Variants in SPATA31D1 observed in about 807,000 individuals in gnomAD.
SPATA31D1 encodes the protein spermatogenesis-associated protein 31D1.
A neutral mutation model predicts 13.2 loss-of-function variants in SPATA31D1; 6 were observed. The observed-to-expected ratio is 0.46, with a 90% CI of 0.25 to 0.90. The LOEUF (loss-of-function observed/expected upper bound fraction) is 0.90. Among genes scored for constraint, SPATA31D1 ranks in the 40% least tolerant of loss-of-function variants. The pLI, the probability that SPATA31D1 is intolerant of heterozygous loss-of-function variation, is 0.18. For synonymous variants in SPATA31D1, 903 were observed against 718.8 expected (o/e 1.26, Z -4.10); for missense variants, 2,445 against 1,884.7 (o/e 1.30, Z -5.50).
rs768409615 is a variant in SPATA31D1 at position 81,991,241 on chromosome 9, G to T, written c.771G>T (p.Glu257Asp). The T allele has an allele frequency of 6.2e-7, 1 of 1,613,962 alleles. No individual in the cohort carries two copies. Among genetic ancestry groups the T allele is most frequent in the Non-Finnish European group, 8.5e-7 (1 of 1,179,892 alleles). ...CACCACATCACATTGAGAGAGTGGA[G>T]TCCAGCCTCCAACCTGAAGCCAGTT... ...LLPPHHIERVESSLQPEASLS... is the reference protein window; with the variant it reads ...LLPPHHIERVDSSLQPEASLS... Residue 257 changes from glutamate (E) to aspartate (D), a missense_variant, in exon 4 of 4, where the codon GAG becomes GAT. Glu to Asp is a conservative substitution (Grantham distance 45, BLOSUM62 2). Coordinates refer to ENST00000344803, the MANE Select transcript of SPATA31D1 (RefSeq NM_001001670.3).
chr9:81,992,574 C>T lies in SPATA31D1; in HGVS notation c.2104C>T (p.Leu702=), dbSNP rs1824997367. The change falls in exon 4 of 4, where the codon CTG becomes TTG. Residue 702 remains leucine, a synonymous_variant. Transcript: ENST00000344803. ...RRRLIQRRWG[L]PRRIHESLSL... ...GAGGCTCATCCAGCGCAGATGGGGC[C>T]TGCCCCGCAGAATCCATGAGTCTCT... The T allele has an allele frequency of 6.2e-7, 1 of 1,612,128 alleles. No homozygotes were observed. Among genetic ancestry groups the T allele is most frequent in the Non-Finnish European group, 8.5e-7 (1 of 1,179,734 alleles).
chr9:81,991,023 A>G lies in SPATA31D1; in HGVS notation c.553A>G (p.Ile185Val), dbSNP rs1362567984. Residue 185 changes from isoleucine to valine, a missense_variant, in exon 4 of 4, where the codon ATA (isoleucine) becomes GTA (valine). Ile to Val is a conservative substitution (Grantham distance 29). Transcript: ENST00000344803. ...CTCAGCAACCCCTCCAGAAGACCTA[A>G]TACTGTCCCCTCGGCCTAAGGCCTC... is the stretch of plus-strand genomic sequence containing the variant. ...TPSATPPEDL[I>V]LSPRPKASPP... The G allele has an allele frequency of 1.9e-6, 3 of 1,613,514 alleles. No individual in the cohort carries two copies. The highest frequency in any genetic ancestry group is 2.2e-5 in the East Asian group (1 of 44,854).
chr9:81,992,715 G>T lies in SPATA31D1; in HGVS notation c.2245G>T (p.Ala749Ser), dbSNP rs200798404. ...GQRCNVLKKS[A>S]SSFPRSFHER... ...GAGGTGCAATGTTCTAAAGAAGTCC[G>T]CATCAAGCTTCCCTAGAAGCTTCCA... Residue 749 changes from alanine (A) to serine (S), a missense_variant, in exon 4 of 4, where the codon GCA becomes TCA. Coordinates refer to ENST00000344803, the MANE Select transcript of SPATA31D1 (RefSeq NM_001001670.3). The T allele has an allele frequency of 1.4e-5, 22 of 1,613,664 alleles. No homozygotes were observed. Among genetic ancestry groups the T allele is most frequent in the African/African-American group, 2.7e-5 (2 of 74,910 alleles).
Position 81,988,846 on chromosome 9 carries a change from A to G in SPATA31D1, c.28A>G (p.Ser10Gly). Residue 10 changes from serine to glycine, a missense_variant, in exon 1 of 4, where the codon AGC becomes GGC. Ser to Gly is a moderately conservative substitution (Grantham distance 56, BLOSUM62 0). Transcript: ENST00000344803. The stretch of plus-strand genomic sequence containing the variant: ...GGAGAATATCCTCTGTTTTCTGAAC[A>G]GCTATACTGAGACAGGGCTGAGCCC... The part of the protein sequence containing the change: MENILCFLN[S>G]YTETGLSPDS... The G allele has an allele frequency of 1.9e-6, 3 of 1,612,838 alleles. No individual in the cohort carries two copies. Among genetic ancestry groups the G allele is most frequent in the South Asian group, 1.1e-5 (1 of 91,026 alleles).
chr9:81,993,680 T>A lies in SPATA31D1; in HGVS notation c.3210T>A (p.Asp1070Glu), dbSNP rs778751182. ...GGACCCTGAGAAGAGAATTCTCTGA[T>A]ACTGACAATGATCTTACAGAAAGTG... The part of the protein sequence containing the change: ...KQGTLRREFS[D>E]TDNDLTESVR... Residue 1070 changes from aspartate (D) to glutamate (E), a missense_variant, in exon 4 of 4, where the codon GAT (aspartate) becomes GAA (glutamate). Transcript: ENST00000344803. 8 of 1,613,906 alleles carry A rather than the reference T, an allele frequency of 5.0e-6. No individual in the cohort carries two copies. The South Asian group carries it at 6.6e-5, about 13-fold the overall frequency.
rs533906009 is a variant in SPATA31D1 at position 81,992,904 on chromosome 9, C to G, written c.2434C>G (p.Leu812Val). ...ERDLETHMMH[L>V]SGNDSGVRLG... Reference sequence around the variant, plus strand: ...AGACCTAGAAACTCATATGATGCATCTGTCAGGGAATGACTCAGGGGTGAG... The same window carrying G: ...AGACCTAGAAACTCATATGATGCATGTGTCAGGGAATGACTCAGGGGTGAG... The change falls in exon 4 of 4, where the codon CTG (leucine) becomes GTG (valine). Residue 812 changes from leucine (L) to valine (V), a missense_variant. Leu to Val is a conservative substitution (Grantham distance 32). Transcript: ENST00000344803. The G allele has an allele frequency of 2.9e-5, 47 of 1,613,808 alleles. No homozygotes were observed. The highest frequency in any genetic ancestry group is 5.0e-5 in the Admixed American group (3 of 60,016).
chr9:81,988,790 T>A lies in SPATA31D1; in HGVS notation c.-29T>A. 6.2e-7 allele frequency: 1 copy of A among 1,611,984 alleles called. No individual in the cohort carries two copies. Among genetic ancestry groups the A allele is most frequent in the Non-Finnish European group, 8.5e-7 (1 of 1,179,658 alleles). On this transcript the variant is annotated 5_prime_UTR_variant, in exon 1 of 4. The change creates a new upstream start codon in the 5' untranslated region. Transcript: ENST00000344803. ...AAGCCTGGGCACCCTCAGTGCTCAGTTGCTTCAGGCAGCTGAGCTATTCAG... is the reference window on the plus strand; with the variant it reads ...AAGCCTGGGCACCCTCAGTGCTCAGATGCTTCAGGCAGCTGAGCTATTCAG...
At position 81,992,477 on chromosome 9, in the gene SPATA31D1, G is replaced by A. The variant is rs536287199; in HGVS notation, c.2007G>A (p.Pro669=). ...LVRKSFKVHV[P]ISIIPGDFPL... is the part of the protein sequence containing the mutation. Reference sequence around the variant, plus strand: ...GAAAGTCCTTCAAGGTCCATGTTCCGATCTCCATCATTCCTGGAGATTTTC... The same window carrying A: ...GAAAGTCCTTCAAGGTCCATGTTCCAATCTCCATCATTCCTGGAGATTTTC... The change falls in exon 4 of 4, where the codon CCG becomes CCA. Residue 669 remains proline, a synonymous_variant. Transcript: ENST00000344803. 15 of 1,612,080 alleles carry A rather than the reference G, an allele frequency of 9.3e-6. No individual in the cohort carries two copies. The highest frequency in any genetic ancestry group is 1.2e-5 in the Non-Finnish European group (14 of 1,179,730).
In SPATA31D1 at chr9:81,994,930, C is replaced by G. The variant is rs1257077205; in HGVS notation, c.4460C>G (p.Thr1487Arg). ...QAIFVGQNYPTRIRQIIDKDR... is the reference protein window; with the variant it reads ...QAIFVGQNYPRRIRQIIDKDR... ...ATCTTTGTTGGCCAGAATTATCCTA[C>G]AAGGATTAGACAGATCATAGACAAG... The change falls in exon 4 of 4, where the codon ACA becomes AGA. Residue 1487 changes from threonine to arginine, a missense_variant. Transcript: ENST00000344803. 1.9e-6 allele frequency: 3 copies of G among 1,613,982 alleles called. No individual in the cohort carries two copies. The highest frequency in any genetic ancestry group is 3.3e-5 in the Admixed American group (2 of 60,024).
At position 81,994,173 on chromosome 9, in the gene SPATA31D1, A is replaced by G; in HGVS notation, c.3703A>G (p.Lys1235Glu). Reference sequence around the variant, plus strand: ...TTTTGCCTTAGATAACTTGAGTTCCAAGGACTTACTGACTAATTCCCAGGG... The same window carrying G: ...TTTTGCCTTAGATAACTTGAGTTCCGAGGACTTACTGACTAATTCCCAGGG... ...MSFALDNLSS[K>E]DLLTNSQGIS... The change falls in exon 4 of 4, where the codon AAG becomes GAG. Residue 1235 changes from lysine (K) to glutamate (E), a missense_variant. Physicochemically the swap from Lys to Glu is moderately conservative, Grantham distance 56. Coordinates refer to ENST00000344803, the MANE Select transcript of SPATA31D1 (RefSeq NM_001001670.3). 1 of 1,614,048 alleles carries G rather than the reference A, an allele frequency of 6.2e-7. No individual in the cohort carries two copies. The highest frequency in any genetic ancestry group is 8.5e-7 in the Non-Finnish European group (1 of 1,179,892).
chr9:81,989,683 A>G (rs1824913846), intron 1 of SPATA31D1, 95 bp from the exon 2 acceptor site: 4 of 1,286,592 alleles, frequency 3.1e-6, no homozygotes, highest in Admixed American at 3.8e-5. Context: ...ATATTCTTGT[A>G]TAATGAATGA....
chr9:81,992,002 A>G lies in SPATA31D1; in HGVS notation c.1532A>G (p.His511Arg), dbSNP rs1467333768. ...VQLFWGLPSL[H>R]SESLHPTVLV... ...CTCTTCTGGGGTCTCCCATCTTTGC[A>G]CAGCGAGTCTCTGCATCCTACTGTT... The change falls in exon 4 of 4, where the codon CAC (histidine) becomes CGC (arginine). Residue 511 changes from histidine (H) to arginine (R), a missense_variant. Transcript: ENST00000344803. The G allele has an allele frequency of 3.7e-6, 6 of 1,613,710 alleles. No homozygotes were observed. Among genetic ancestry groups the G allele is most frequent in the African/African-American group, 1.3e-5 (1 of 74,924 alleles).
intron 1 of SPATA31D1, 87 bp from the exon 2 acceptor site, chr9:81,989,683 ATAATGAAT>A (rs1234986206): frequency 7.8e-7 from 1 of 1,286,518 alleles, no homozygotes; most frequent in East Asian, 2.4e-5. Flanking sequence ...ATATTCTTGT[ATAATGAAT>A]GAATGAATGA....
intron 3 of SPATA31D1, 63 bp downstream of exon 3, chr9:81,990,549 T>A: frequency 6.7e-7 from 1 of 1,488,600 alleles, no homozygotes; most frequent in South Asian, 1.3e-5. Flanking sequence ...GTACGTTCTA[T>A]TCATTTCAGG....
At position 81,992,879 on chromosome 9, in the gene SPATA31D1, A is replaced by G. The variant is rs1825005905; in HGVS notation, c.2409A>G (p.Arg803=). 6.2e-6 allele frequency: 10 copies of G among 1,613,834 alleles called. No homozygotes were observed. Among genetic ancestry groups the G allele is most frequent in the Non-Finnish European group, 8.5e-6 (10 of 1,179,730 alleles). The change falls in exon 4 of 4, where the codon AGA becomes AGG. Residue 803 remains arginine (R), a synonymous_variant. Transcript: ENST00000344803. ...AGGATCTGAGGTCTAACTCTGAGAG[A>G]GACCTAGAAACTCATATGATGCATC... The part of the protein sequence containing the change: ...SDKDLRSNSE[R]DLETHMMHLS...
In SPATA31D1 at chr9:81,995,016, C is replaced by G. The variant is rs747673447; in HGVS notation, c.4546C>G (p.Gln1516Glu). The G allele has an allele frequency of 6.2e-7, 1 of 1,613,954 alleles. No homozygotes were observed. Among genetic ancestry groups the G allele is most frequent in the South Asian group, 1.1e-5 (1 of 91,050 alleles). ...GAAGATACTGTGTCAAAGCCATCCCCAATCCATGCCCCACAGGAAGCCTGT... is the reference window on the plus strand; with the variant it reads ...GAAGATACTGTGTCAAAGCCATCCCGAATCCATGCCCCACAGGAAGCCTGT... Reference protein sequence around the residue: ...KGKILCQSHPQSMPHRKPVPH... With the variant: ...KGKILCQSHPESMPHRKPVPH... The change falls in exon 4 of 4, where the codon CAA becomes GAA. Residue 1516 changes from glutamine (Q) to glutamate (E), a missense_variant. Physicochemically the swap from Gln to Glu is conservative, Grantham distance 29. Transcript: ENST00000344803.
At chr9:81,990,136 C>A (rs1424591348) in intron 2 of SPATA31D1, 1 of 521,476 alleles carries the variant, frequency 1.9e-6, no homozygotes, top group Non-Finnish European at 3.4e-6. Flanking sequence ...ACTTTGCATA[C>A]GTACTTTGAC....
Position 81,992,129 on chromosome 9 carries a change from G to C in SPATA31D1, c.1659G>C (p.Leu553=). The C allele has an allele frequency of 6.2e-7, 1 of 1,613,570 alleles. No individual in the cohort carries two copies. The highest frequency in any genetic ancestry group is 8.5e-7 in the Non-Finnish European group (1 of 1,179,698). The change falls in exon 4 of 4, where the codon CTG becomes CTC. Residue 553 remains leucine (L), a synonymous_variant. Coordinates refer to ENST00000344803, the MANE Select transcript of SPATA31D1 (RefSeq NM_001001670.3). ...CAGTACTTCCCCCTCCCCAACCTCT[G>C]TCCTTGCCTAGTACCCAACCACTAC... ...ESPVLPPPQP[L]SLPSTQPLPL... is the part of the protein sequence containing the mutation.
chr9:81,988,760 T>C (rs1048319005), upstream of SPATA31D1: 109 of 1,610,872 alleles, frequency 6.8e-5, no homozygotes, highest in Middle Eastern at 2.2e-4. Context: ...CCTGTGCTTA[T>C]AGTTAAGCCT....
Sources: allele counts gnomAD v4.1 joint callset, GRCh38; gene constraint gnomAD v4.1.1; transcripts MANE v1.5; gene names NCBI Gene and HGNC (gene_info 2026-07-23, HGNC 2026-07-21).